USP25: variants seen among roughly 807,000 people sequenced by gnomAD.
USP25 encodes ubiquitin carboxyl-terminal hydrolase 25.
A neutral mutation model predicts 158.5 loss-of-function variants in USP25; 85 were observed. That is an observed-to-expected ratio of 0.54 (90% CI 0.45 to 0.64). The LOEUF is 0.64. Among genes scored for constraint, USP25 ranks in the 30% least tolerant of loss-of-function variants. USP25 has a pLI of 0.00. For missense variants in USP25, 1,242 were observed against 1,327.3 expected, an observed-to-expected ratio of 0.94 and a Z score of 1.00; for synonymous variants, 464 against 460.4, an observed-to-expected ratio of 1.01 and a Z score of -0.10.
chr21:15,782,615 C>G (rs2035030116), intron 4 of USP25, among the ~76,000 whole-genome samples: 1 of 152,180 alleles, frequency 6.6e-6, no homozygotes, highest in Non-Finnish European at 1.5e-5. Context: ...TACTAAGTCA[C>G]TGAGATAATC....
intron 1 of USP25, among the ~76,000 whole-genome samples, chr21:15,733,057 A>C (rs980319648): frequency 7.0e-6 from 1 of 142,900 alleles, no homozygotes; most frequent in Admixed American, 7.6e-5. Context: ...CTTCATGTTT[A>C]CCAAAGTGTA....
At chr21:15,772,989 G>T (rs371538569) in intron 3 of USP25, among the ~76,000 whole-genome samples, 1 of 151,644 alleles carries the variant, frequency 6.6e-6, no homozygotes, top group East Asian at 1.9e-4. Context: ...GATCATGGAA[G>T]AAAATTGTTA....
At chr21:15,794,158 A>G (rs1314649865) in intron 5 of USP25, among the ~76,000 whole-genome samples, 1 of 151,670 alleles carries the variant, frequency 6.6e-6, no homozygotes, top group African/African-American at 2.4e-5. Flanking sequence ...CAGTTATAGA[A>G]GTTTGCTAGT....
At chr21:15,791,715 G>C in intron 5 of USP25, 51 bp downstream of exon 5, 1 of 1,540,844 alleles carries the variant, frequency 6.5e-7, no homozygotes, top group Non-Finnish European at 8.8e-7. Context: ...GATAGCAATG[G>C]AAAGTGAGTT....
chr21:15,736,546 G>T (rs2031538951), intron 1 of USP25, among the ~76,000 whole-genome samples: 4 of 151,828 alleles, frequency 2.6e-5, no homozygotes, highest in Admixed American at 2.6e-4. Context: ...AATTTTCATT[G>T]TATCACCACC....
intron 10 of USP25, among the ~76,000 whole-genome samples, chr21:15,823,281 A>G (rs1470994536): frequency 1.3e-5 from 2 of 152,004 alleles, no homozygotes; most frequent in African/African-American, 2.4e-5. Context: ...GAGGTTGTAT[A>G]TGAAAATAAT....
chr21:15,776,823 C>T (rs1418869496), intron 3 of USP25, among the ~76,000 whole-genome samples: 2 of 152,040 alleles, frequency 1.3e-5, no homozygotes, highest in Admixed American at 1.3e-4. Flanking sequence ...CTGGGTGACA[C>T]AGTGAGACAC....
intron 14 of USP25, among the ~76,000 whole-genome samples, chr21:15,828,054 G>A (rs1250050820): frequency 6.6e-6 from 1 of 151,792 alleles, no homozygotes; most frequent in Non-Finnish European, 1.5e-5. Flanking sequence ...AATGAACTAT[G>A]TGACATGGTT....
intron 5 of USP25, among the ~76,000 whole-genome samples, chr21:15,797,008 A>G (rs1361069932): frequency 6.6e-6 from 1 of 151,526 alleles, no homozygotes; most frequent in African/African-American, 2.4e-5. Flanking sequence ...AATGAAACTA[A>G]GAAGTCAGTG....
chr21:15,809,471 C>A (rs1316149191), intron 8 of USP25, among the ~76,000 whole-genome samples: 2 of 152,118 alleles, frequency 1.3e-5, no homozygotes, highest in African/African-American at 4.8e-5. Context: ...GAAACACCCC[C>A]CCCAACCCCT....
At chr21:15,861,255 C>T (rs1380761650) in intron 20 of USP25, among the ~76,000 whole-genome samples, 2 of 151,934 alleles carry the variant, frequency 1.3e-5, no homozygotes, top group African/African-American at 4.8e-5. Context: ...CAAGCCTAAC[C>T]TAGATAGGAG....
At chr21:15,853,542 T>C (rs982716742) in intron 20 of USP25, among the ~76,000 whole-genome samples, 42 of 152,328 alleles carry the variant, frequency 2.8e-4, no homozygotes, top group African/African-American at 9.9e-4. Flanking sequence ...TTTATGGATT[T>C]TTTTTGCCAT....
chr21:15,762,475 C>T lies in USP25; in HGVS notation c.46-416C>T, dbSNP rs2033788938. 2.0e-5 allele frequency among the ~76,000 whole-genome samples: 3 copies of T among 152,016 alleles called. No individual in the cohort carries two copies. In the South Asian group the frequency reaches 6.2e-4, roughly 32 times the overall value. ...TTCTTTTTAAAGTAGATCTGAAGAT[C>T]TCCGTGGTATAATTACCCACCGAGT... On this transcript the variant is annotated intron_variant, in intron 1 of 25. Coordinates refer to ENST00000400183, the MANE Select transcript of USP25 (RefSeq NM_001283041.3).
intron 4 of USP25, among the ~76,000 whole-genome samples, chr21:15,785,540 CA>C (rs1382861076): frequency 1.3e-5 from 2 of 152,132 alleles, no homozygotes; most frequent in African/African-American, 2.4e-5. Context: ...CCAACAAATA[CA>C]TGGAAGTTAA....
chr21:15,763,172 T>G (rs1292786833), intron 2 of USP25, among the ~76,000 whole-genome samples: 1 of 152,138 alleles, frequency 6.6e-6, no homozygotes, highest in Non-Finnish European at 1.5e-5. Context: ...CCATGATACC[T>G]TAGAGTGACA....
In USP25 at chr21:15,847,796, G is replaced by T; in HGVS notation, c.2451+20G>T. On this transcript the variant is annotated intron_variant, in intron 19 of 25. Coordinates refer to ENST00000400183, the MANE Select transcript of USP25 (RefSeq NM_001283041.3). ...GACGAGGTACCTTTTACAGCCCTCT[G>T]CACCATTGCTACTTAACTTTTGCTA... 6 of 1,467,136 alleles carry T rather than the reference G, an allele frequency of 4.1e-6. No individual in the cohort carries two copies. The highest frequency in any genetic ancestry group is 5.6e-6 in the Non-Finnish European group (6 of 1,072,318). 90.9% of individuals were successfully genotyped at this position (1,467,136 alleles called of 1,614,324 possible). A position where few individuals can be genotyped will look rare whatever the true frequency, so the allele number is the denominator to read the frequency against.
At chr21:15,786,690 C>T (rs1039805765) in intron 4 of USP25, among the ~76,000 whole-genome samples, 2 of 152,066 alleles carry the variant, frequency 1.3e-5, no homozygotes, top group Admixed American at 1.3e-4. Context: ...AAAATGAAAG[C>T]TTTTCCACTA....
intron 8 of USP25, 68 bp downstream of exon 8, chr21:15,808,953 CA>C: frequency 8.9e-7 from 1 of 1,129,216 alleles, no homozygotes; most frequent in East Asian, 2.4e-5. Context: ...TAAATGTCAA[CA>C]GAGAAATAAG....
chr21:15,774,644 T>G (rs1424820496), intron 3 of USP25, among the ~76,000 whole-genome samples: 1 of 152,216 alleles, frequency 6.6e-6, no homozygotes, highest in Non-Finnish European at 1.5e-5. Flanking sequence ...AACAGCATAC[T>G]CTGGATATAT....
Sources: gnomAD v4.1 joint callset for allele counts (sites outside exome capture counted in the v4.1 genomes callset) on GRCh38, gnomAD v4.1.1 for gene constraint, MANE v1.5 for transcripts, NCBI Gene and HGNC (gene_info 2026-07-23, HGNC 2026-07-21) for gene names.